Variants in PLCXD3 observed in about 807,000 individuals in gnomAD.
PLCXD3 encodes PI-PLC X domain-containing protein 3.
Under a neutral mutation model 25.5 loss-of-function variants are expected in PLCXD3, and 19 were observed. The observed-to-expected ratio is 0.75, with a 90% CI of 0.52 to 1.09. The LOEUF is 1.09. Ranked by LOEUF, PLCXD3 falls within the 50% of genes least tolerant of loss-of-function variation. The pLI, the probability that PLCXD3 is intolerant of heterozygous loss-of-function variation, is 0.00. For synonymous variants in PLCXD3, 174 were observed against 137.6 expected, an observed-to-expected ratio of 1.26 and a Z score of -1.85; for missense variants, 411 against 388.1, an observed-to-expected ratio of 1.06 and a Z score of -0.50.
chr5:41,496,627 C>CAAAAAA (rs71608608), intron 1 of PLCXD3, among the ~76,000 whole-genome samples: 1 of 114,736 alleles, frequency 8.7e-6, no homozygotes. Context: ...TTTCCCAGAC[C>CAAAAAA]AAAAAAAAAA....
intron 1 of PLCXD3, among the ~76,000 whole-genome samples, chr5:41,392,757 C>T (rs993611038): frequency 8.1e-6 from 1 of 122,756 alleles, no homozygotes; most frequent in African/African-American, 2.8e-5. Flanking sequence ...AGATATGTGG[C>T]CTTTCAGATA....
At chr5:41,504,664 G>T (rs1749018810) in intron 1 of PLCXD3, among the ~76,000 whole-genome samples, 1 of 152,124 alleles carries the variant, frequency 6.6e-6, no homozygotes, top group Non-Finnish European at 1.5e-5. Flanking sequence ...TGATATTTTG[G>T]GGATAAAACT....
chr5:41,499,093 C>T (rs1490026400), intron 1 of PLCXD3, among the ~76,000 whole-genome samples: 1 of 151,026 alleles, frequency 6.6e-6, no homozygotes, highest in Non-Finnish European at 1.5e-5. Context: ...AGGAAGAAGG[C>T]AAGGATGGCC....
intron 1 of PLCXD3, among the ~76,000 whole-genome samples, chr5:41,498,894 G>A (rs1002692807): frequency 2.0e-5 from 3 of 151,424 alleles, no homozygotes; most frequent in Non-Finnish European, 4.4e-5. Flanking sequence ...ACAGAATGAA[G>A]GATAAAAATA....
At chr5:41,366,510 G>A (rs1199602817) in intron 2 of PLCXD3, among the ~76,000 whole-genome samples, 1 of 152,122 alleles carries the variant, frequency 6.6e-6, no homozygotes, top group Non-Finnish European at 1.5e-5. Flanking sequence ...TAATAAGCAG[G>A]AAGAAAGCAA....
rs1745489622 is a variant in PLCXD3 at position 41,382,314 on chromosome 5, A to G, written c.324T>C (p.Asn108=). The G allele has an allele frequency of 3.1e-6, 5 of 1,613,592 alleles. No individual in the cohort carries two copies. Among genetic ancestry groups the G allele is most frequent in the Non-Finnish European group, 4.2e-6 (5 of 1,179,734 alleles). ...RISTKPRDPD[N]ELYFAHGLFS... is the part of the protein sequence containing the mutation. ...ACAAACCATGAGCAAAATAGAGTTC[A>G]TTGTCGGGGTCTCTGGGCTTGGTGG... Residue 108 remains asparagine, a synonymous_variant, in exon 2 of 3, where the codon AAT becomes AAC. Transcript: ENST00000377801.
At chr5:41,505,076 C>T (rs1580407310) in intron 1 of PLCXD3, among the ~76,000 whole-genome samples, 1 of 152,194 alleles carries the variant, frequency 6.6e-6, no homozygotes, top group South Asian at 2.1e-4. Context: ...TCTTTCTGTT[C>T]TCATTGGGTG....
chr5:41,307,456 C>T lies in PLCXD3; in HGVS notation c.*6161G>A, dbSNP rs559303903. ...TTTTCTGCATTGTTTTAGAAACCAG[C>T]CTTTGATCTCACTGTTCTTATTTTA... On this transcript the variant is annotated 3_prime_UTR_variant, in exon 3 of 3. Transcript: ENST00000377801. 6.6e-6 allele frequency: 1 copy of T among 152,550 alleles called. No homozygotes were observed. The highest frequency in any genetic ancestry group is 1.9e-4 in the East Asian group (1 of 5,166). 9.4% of individuals were successfully genotyped at this position (152,550 alleles called of 1,614,324 possible).
At chr5:41,348,715 G>C (rs1744371366) in intron 2 of PLCXD3, among the ~76,000 whole-genome samples, 1 of 152,030 alleles carries the variant, frequency 6.6e-6, no homozygotes, top group Non-Finnish European at 1.5e-5. Flanking sequence ...GAATATGTTT[G>C]GTGCTTGGCA....
chr5:41,351,421 G>T (rs983816883), intron 2 of PLCXD3, among the ~76,000 whole-genome samples: 2 of 152,160 alleles, frequency 1.3e-5, no homozygotes, highest in African/African-American at 4.8e-5. Flanking sequence ...TGAGCACATG[G>T]TAGGCTTCGA....
chr5:41,382,766 T>C (rs1745510562), intron 1 of PLCXD3, among the ~76,000 whole-genome samples: 1 of 152,254 alleles, frequency 6.6e-6, no homozygotes, highest in South Asian at 2.1e-4. Context: ...GATTTCCTTA[T>C]AATTAAATTT....
At chr5:41,425,212 T>C (rs796839255) in intron 1 of PLCXD3, among the ~76,000 whole-genome samples, 1 of 152,166 alleles carries the variant, frequency 6.6e-6, no homozygotes, top group Non-Finnish European at 1.5e-5. Flanking sequence ...ACTTAGTATA[T>C]CTTTCCCTCC....
intron 1 of PLCXD3, among the ~76,000 whole-genome samples, chr5:41,493,009 C>T (rs148322619): frequency 0.029 from 4,340 of 152,276 alleles, 73 homozygotes; most frequent in African/African-American, 0.046. Context: ...AGGCGCTCTG[C>T]TTTTTAGAGT....
chr5:41,508,174 T>C (rs79965326), intron 1 of PLCXD3, among the ~76,000 whole-genome samples: 273 of 152,274 alleles, frequency 1.8e-3, no homozygotes, highest in African/African-American at 6.4e-3. Flanking sequence ...GAAAACAATA[T>C]AAATTCCCAT....
At chr5:41,339,539 C>A (rs1326452595) in intron 2 of PLCXD3, among the ~76,000 whole-genome samples, 2 of 151,836 alleles carry the variant, frequency 1.3e-5, no homozygotes, top group Admixed American at 1.3e-4. Context: ...CTGTACTTAT[C>A]AAATACAGAA....
chr5:41,485,892 T>G lies in PLCXD3; in HGVS notation c.103+24532A>C, dbSNP rs374404331. ...TAGTTCATTTTTTGATGTTCCAAAT[T>G]TTTTTTAGTATGAGTCTTGTTGAAG... On this transcript the variant is annotated intron_variant, in intron 1 of 2. Transcript: ENST00000377801. Among the ~76,000 whole-genome samples, 17 of 152,250 alleles carry G rather than the reference T, an allele frequency of 1.1e-4. No individual in the cohort carries two copies. The East Asian group carries it at 2.7e-3, about 24-fold the overall frequency.
At chr5:41,440,661 T>G (rs1482599381) in intron 1 of PLCXD3, among the ~76,000 whole-genome samples, 1 of 152,180 alleles carries the variant, frequency 6.6e-6, no homozygotes, top group Non-Finnish European at 1.5e-5. Flanking sequence ...GTGTGGCATA[T>G]AATAAGTACT....
intron 1 of PLCXD3, among the ~76,000 whole-genome samples, chr5:41,388,138 A>G (rs973570300): frequency 3.3e-5 from 5 of 151,880 alleles, no homozygotes; most frequent in Admixed American, 6.6e-5. Flanking sequence ...AAAAAAAAAT[A>G]CATACAATCC....
chr5:41,359,517 G>T (rs1744715954), intron 2 of PLCXD3, among the ~76,000 whole-genome samples: 1 of 152,046 alleles, frequency 6.6e-6, no homozygotes, highest in African/African-American at 2.4e-5. Context: ...TGTACACCTT[G>T]TTCATAGTAA....
Sources: allele counts gnomAD v4.1 joint callset (sites outside exome capture counted in the v4.1 genomes callset), GRCh38; gene constraint gnomAD v4.1.1; transcripts MANE v1.5; gene names NCBI Gene and HGNC (gene_info 2026-07-23, HGNC 2026-07-21).